LAMA4: variants seen among roughly 807,000 people sequenced by gnomAD.
LAMA4 encodes the protein laminin subunit alpha-4.
LAMA4 carries 127 observed loss-of-function variants against 207.1 expected under a neutral mutation model. The ratio of observed to expected loss-of-function variants is 0.61; its 90% CI spans 0.53 to 0.71. The LOEUF is 0.71. LAMA4 is among the 30% of genes least tolerant of loss of function. The probability of loss-of-function intolerance (pLI) is 0.00; values close to 1 mark genes in which losing one functional copy is unlikely to be tolerated. For synonymous variants in LAMA4, 761 were observed against 816.0 expected (o/e 0.93, Z 1.15); for missense variants, 2,093 against 2,246.5 (o/e 0.93, Z 1.38).
chr6:112,203,843 T>C (rs1230854724), intron 4 of LAMA4, among the ~76,000 whole-genome samples: 1 of 152,226 alleles, frequency 6.6e-6, no homozygotes, highest in African/African-American at 2.4e-5. Context: ...TATTAGAGAC[T>C]TGAGTTTTCG....
chr6:112,149,298 A>G (rs1409981430), intron 17 of LAMA4, among the ~76,000 whole-genome samples: 1 of 152,116 alleles, frequency 6.6e-6, no homozygotes, highest in Non-Finnish European at 1.5e-5. Flanking sequence ...CTCAGGGTTC[A>G]TATCAGCCTG....
rs144850734 is a variant in LAMA4, at chr6:112,216,478, G to A, written c.196-9C>T. 448 of 1,576,588 alleles carry A rather than the reference G, an allele frequency of 2.8e-4. No individual in the cohort carries two copies. The African/African-American group carries it at 5.4e-3, about 19-fold the overall frequency. On this transcript the variant is annotated splice_polypyrimidine_tract_variant and intron_variant, in intron 2 of 38. Transcript: ENST00000230538. ...AATCCAGCATTGCATTTCTGCAACA[G>A]ACACACCAAACCATTTTGATTATTG... is the stretch of plus-strand genomic sequence containing the variant.
chr6:112,159,124 C>G (rs1312105665), intron 13 of LAMA4: 1 of 480,170 alleles, frequency 2.1e-6, no homozygotes, highest in East Asian at 3.9e-5. Context: ...CATTTCAGAC[C>G]TAAAAACTAA....
chr6:112,113,478 G>T (rs1366100254), intron 38 of LAMA4, among the ~76,000 whole-genome samples: 12 of 152,178 alleles, frequency 7.9e-5, no homozygotes, highest in Non-Finnish European at 7.3e-5. Flanking sequence ...AAACAATTGG[G>T]GTGTTTGTGT....
Position 112,120,298 on chromosome 6 carries a change from A to G in LAMA4, c.4650T>C (p.Asp1550=), listed in dbSNP as rs1554325680. The stretch of plus-strand genomic sequence containing the variant: ...TTCAACTTACATCATGCCACAGGCC[A>G]TCATTGTATTTCTCCTGGCTTCTAA... ...LKIRSQEKYN[D]GLWHDVIFIR... The change falls in exon 33 of 39, where the codon GAT becomes GAC. Residue 1550 remains aspartate (D), a synonymous_variant. Transcript: ENST00000230538. 1.2e-6 allele frequency: 2 copies of G among 1,613,794 alleles called. No individual in the cohort carries two copies. The highest frequency in any genetic ancestry group is 1.7e-6 in the Non-Finnish European group (2 of 1,179,916).
At chr6:112,155,514 G>A (rs1780654484) in intron 15 of LAMA4, 51 bp downstream of exon 15, 1 of 1,604,178 alleles carries the variant, frequency 6.2e-7, no homozygotes. Context: ...TCAGAAAACA[G>A]AAAAGCCAGT....
At chr6:112,185,136 T>G in intron 9 of LAMA4, 101 bp downstream of exon 9, 1 of 810,954 alleles carries the variant, frequency 1.2e-6, no homozygotes, top group Non-Finnish European at 2.2e-6. Context: ...GCATTTTTTC[T>G]GGGCTGTGTT....
At chr6:112,235,235 G>A (rs1008038471) in intron 2 of LAMA4, among the ~76,000 whole-genome samples, 1 of 152,188 alleles carries the variant, frequency 6.6e-6, no homozygotes, top group Non-Finnish European at 1.5e-5. Context: ...AGCAGATGCT[G>A]TTCATAGCAA....
intron 18 of LAMA4, among the ~76,000 whole-genome samples, chr6:112,146,907 T>A (rs1780063229): frequency 6.6e-6 from 1 of 152,220 alleles, no homozygotes; most frequent in South Asian, 2.1e-4. Context: ...ATATACTTAA[T>A]GAATTATGTT....
At chr6:112,163,261 G>A (rs1444997385) in intron 13 of LAMA4, among the ~76,000 whole-genome samples, 2 of 152,072 alleles carry the variant, frequency 1.3e-5, no homozygotes, top group East Asian at 3.9e-4. Flanking sequence ...GATTAGAGGC[G>A]TGAGCCACTG....
intron 30 of LAMA4, 48 bp from the exon 31 acceptor site, chr6:112,129,123 AATTACATG>A: frequency 1.3e-6 from 2 of 1,497,728 alleles, no homozygotes; most frequent in Non-Finnish European, 1.9e-6. Context: ...TATTGTTCAG[AATTACATG>A]ATGAATATTA....
intron 17 of LAMA4, 150 bp from the exon 18 acceptor site, chr6:112,148,486 C>A (rs938818561): frequency 5.6e-6 from 4 of 718,240 alleles, no homozygotes; most frequent in Non-Finnish European, 7.0e-6. Context: ...TGTGGCTCAC[C>A]GAAAACATTT....
At position 112,226,451 on chromosome 6, in the gene LAMA4, T is replaced by C. The variant is rs77165496; in HGVS notation, c.196-9982A>G. ...ATACGCTACAGAGGCCTGGGATGTC[T>C]TTCCCTACTTCATCTCACCTGGGAA... On this transcript the variant is annotated intron_variant, in intron 2 of 38. Transcript: ENST00000230538. 1.3e-3 allele frequency among the ~76,000 whole-genome samples: 205 copies of C among 152,334 alleles called. 2 individuals carry two copies. In the East Asian group the frequency reaches 0.02, roughly 15 times the overall value.
intron 6 of LAMA4, among the ~76,000 whole-genome samples, chr6:112,189,803 A>G (rs782056633): frequency 3.3e-5 from 5 of 152,194 alleles, no homozygotes; most frequent in Admixed American, 3.3e-4. Flanking sequence ...TTTTACATGA[A>G]TTTAGAAGAC....
chr6:112,213,886 T>C, intron 3 of LAMA4: 1 of 511,072 alleles, frequency 2.0e-6, no homozygotes, highest in Admixed American at 3.1e-5. Flanking sequence ...TTATTTTTGG[T>C]TGCTTACAGG....
chr6:112,253,767 C>A, intron 2 of LAMA4, 189 bp downstream of exon 2: 2 of 1,614,072 alleles, frequency 1.2e-6, no homozygotes, highest in East Asian at 4.5e-5. Flanking sequence ...CAACTTTCAA[C>A]TCTCAACATC....
chr6:112,236,303 G>T (rs1554365992), intron 2 of LAMA4: 2 of 152,306 alleles, frequency 1.3e-5, no homozygotes, highest in East Asian at 3.9e-4. Flanking sequence ...AAGTTTCCAC[G>T]CTAGGAGACT....
intron 11 of LAMA4, 121 bp downstream of exon 11, chr6:112,175,192 T>C (rs1781948579): frequency 7.3e-6 from 7 of 959,446 alleles, no homozygotes; most frequent in Admixed American, 1.9e-5. Flanking sequence ...AGATTCTAAA[T>C]AGTTCTGAAC....
intron 2 of LAMA4, chr6:112,236,120 C>T (rs1181726763): frequency 6.6e-6 from 1 of 152,180 alleles, no homozygotes; most frequent in Non-Finnish European, 1.5e-5. Context: ...GACCTCAGAG[C>T]CAGGAAACTT....
Sources: allele counts gnomAD v4.1 joint callset (sites outside exome capture counted in the v4.1 genomes callset), GRCh38; gene constraint gnomAD v4.1.1; transcripts MANE v1.5; gene names NCBI Gene and HGNC (gene_info 2026-07-23, HGNC 2026-07-21).